Variants in KLF12 observed in about 807,000 individuals in gnomAD.
KLF12 encodes the protein KLF transcription factor 12, also known as Krueppel-like factor 12.
A neutral mutation model predicts 37.8 loss-of-function variants in KLF12; 9 were observed. The observed-to-expected ratio is 0.24, with a 90% CI of 0.14 to 0.42. KLF12 has a LOEUF of 0.42. Ranked by LOEUF, KLF12 falls within the 10% of genes least tolerant of loss-of-function variation. The pLI is 1.00. For synonymous variants in KLF12, 208 were observed against 202.1 expected (o/e 1.03, Z -0.25); for missense variants, 411 against 516.0 (o/e 0.80, Z 1.97).
chr13:74,180,386 T>C, the KLF12 span, among the ~76,000 whole-genome samples: 1 of 152,230 alleles, frequency 6.6e-6, no homozygotes, highest in African/African-American at 2.4e-5. Context: ...TTCTTCTAAA[T>C]AAAGGCTCAG....
the KLF12 span, among the ~76,000 whole-genome samples, chr13:74,214,493 T>C: frequency 6.6e-6 from 1 of 152,230 alleles, no homozygotes; most frequent in Admixed American, 6.5e-5. Flanking sequence ...CTGTACTTGA[T>C]TGATAGTTTG....
At chr13:74,142,769 A>G in the KLF12 span, among the ~76,000 whole-genome samples, 1 of 152,226 alleles carries the variant, frequency 6.6e-6, no homozygotes. Flanking sequence ...GTCAAGAAAA[A>G]TAATCTAAAG....
At chr13:74,036,348 T>C (rs56338593) in intron 1 of KLF12, among the ~76,000 whole-genome samples, 5 of 152,258 alleles carry the variant, frequency 3.3e-5, no homozygotes, top group Admixed American at 2.0e-4. Flanking sequence ...TAAAAATTGA[T>C]TGTTAATAAA....
At chr13:73,867,381 T>TATAC (rs200417092) in intron 3 of KLF12, among the ~76,000 whole-genome samples, 17 of 151,494 alleles carry the variant, frequency 1.1e-4, no homozygotes, top group Middle Eastern at 6.8e-3. Flanking sequence ...AACAGGAATA[T>TATAC]ATACATACAT....
chr13:74,242,347 C>T, the KLF12 span, among the ~76,000 whole-genome samples: 1 of 152,176 alleles, frequency 6.6e-6, no homozygotes, highest in South Asian at 2.1e-4. Context: ...GGGGAGGCCT[C>T]ACAATCGTGG....
intron 4 of KLF12, among the ~76,000 whole-genome samples, chr13:73,818,522 C>G (rs1396548125): frequency 1.3e-5 from 2 of 152,264 alleles, no homozygotes. Flanking sequence ...TCCCCTCACC[C>G]CAGCCTGCCT....
At chr13:73,752,815 C>A (rs1878871642) in intron 6 of KLF12, among the ~76,000 whole-genome samples, 1 of 151,384 alleles carries the variant, frequency 6.6e-6, no homozygotes, top group South Asian at 2.1e-4. Flanking sequence ...CTCCCGGGTT[C>A]AAGCAATTCT....
At chr13:73,897,196 AAT>A (rs1370669113) in intron 3 of KLF12, among the ~76,000 whole-genome samples, 2 of 151,122 alleles carry the variant, frequency 1.3e-5, no homozygotes, top group African/African-American at 4.9e-5. Context: ...TCTGATGAAA[AAT>A]TTAAAAAAAA....
intron 2 of KLF12, among the ~76,000 whole-genome samples, chr13:73,968,831 C>T (rs1322096446): frequency 6.6e-6 from 1 of 152,138 alleles, no homozygotes; most frequent in Non-Finnish European, 1.5e-5. Context: ...TCCCTCGACA[C>T]GTTGATCCCT....
the KLF12 span, among the ~76,000 whole-genome samples, chr13:74,167,536 T>C: frequency 6.6e-6 from 1 of 152,206 alleles, no homozygotes; most frequent in South Asian, 2.1e-4. Flanking sequence ...GGATTCAAAG[T>C]GAAATGAAAC....
the KLF12 span, among the ~76,000 whole-genome samples, chr13:74,302,511 A>G: frequency 1.3e-5 from 2 of 152,112 alleles, no homozygotes; most frequent in African/African-American, 2.4e-5. Flanking sequence ...TATTTATTGG[A>G]GGGCCATGAG....
chr13:74,080,209 G>A (rs1342527311), intron 1 of KLF12, among the ~76,000 whole-genome samples: 1 of 152,166 alleles, frequency 6.6e-6, no homozygotes, highest in Non-Finnish European at 1.5e-5. Flanking sequence ...GGCCAAGGCT[G>A]GAGGATCACT....
At chr13:73,756,761 T>C (rs9592940) in intron 6 of KLF12, among the ~76,000 whole-genome samples, 15,127 of 152,076 alleles carry the variant, frequency 0.099, 787 homozygotes, top group South Asian at 0.16. Flanking sequence ...GCTGGGCACC[T>C]AACCCAGGAC....
At chr13:74,235,845 A>T in the KLF12 span, among the ~76,000 whole-genome samples, 1 of 152,104 alleles carries the variant, frequency 6.6e-6, no homozygotes, top group Non-Finnish European at 1.5e-5. Flanking sequence ...TTAATGGAGG[A>T]TCAGCAGTGG....
the KLF12 span, among the ~76,000 whole-genome samples, chr13:74,275,798 CTTT>C: frequency 0.05 from 5,157 of 102,698 alleles, 212 homozygotes; most frequent in African/African-American, 0.097. Flanking sequence ...TTCTTTCTTT[CTTT>C]CTTTCCTTCT....
the KLF12 span, among the ~76,000 whole-genome samples, chr13:74,157,919 A>T: frequency 2.0e-5 from 3 of 152,078 alleles, no homozygotes; most frequent in Admixed American, 1.3e-4. Flanking sequence ...ACTCCCATTT[A>T]CCTCGCAGAG....
the KLF12 span, among the ~76,000 whole-genome samples, chr13:74,219,560 G>A: frequency 2.6e-5 from 4 of 152,114 alleles, no homozygotes; most frequent in Non-Finnish European, 4.4e-5. Flanking sequence ...GGAGTTACAG[G>A]AACTGTGGGT....
chr13:74,041,079 CAA>C (rs1893389835), intron 1 of KLF12, among the ~76,000 whole-genome samples: 2 of 152,200 alleles, frequency 1.3e-5, no homozygotes, highest in African/African-American at 2.4e-5. Flanking sequence ...TTTCTCCCCA[CAA>C]AGATATCTTA....
chr13:74,288,139 C>T, the KLF12 span, among the ~76,000 whole-genome samples: 1 of 151,974 alleles, frequency 6.6e-6, no homozygotes, highest in East Asian at 1.9e-4. Flanking sequence ...AAAAGGGTCA[C>T]AGTAATTTGT....
Sources: gnomAD v4.1 joint callset for allele counts (sites outside exome capture counted in the v4.1 genomes callset) on GRCh38, gnomAD v4.1.1 for gene constraint, MANE v1.5 for transcripts, NCBI Gene and HGNC (gene_info 2026-07-23, HGNC 2026-07-21) for gene names.